ACACB: variants seen among roughly 807,000 people sequenced by gnomAD.
ACACB encodes acetyl-CoA carboxylase 2.
A neutral mutation model predicts 278.8 loss-of-function variants in ACACB; 209 were observed. That is an observed-to-expected ratio of 0.75 (90% CI 0.67 to 0.84). The LOEUF (loss-of-function observed/expected upper bound fraction) is 0.84. Among genes scored for constraint, ACACB ranks in the 40% least tolerant of loss-of-function variants. ACACB has a pLI of 0.00. For missense variants in ACACB, 2,850 were observed against 3,269.0 expected (o/e 0.87, Z 3.13); for synonymous variants, 1,174 against 1,285.6 (o/e 0.91, Z 1.86).
At position 109,241,163 on chromosome 12, in the gene ACACB, A is replaced by G. The variant is rs754114281; in HGVS notation, c.4904A>G (p.Asn1635Ser). 3.1e-6 allele frequency: 5 copies of G among 1,614,170 alleles called. No individual in the cohort carries two copies. The Admixed American group carries it at 5.0e-5, about 16-fold the overall frequency. The change falls in exon 36 of 53, where the codon AAC (asparagine) becomes AGC (serine). Residue 1635 changes from asparagine to serine, a missense_variant. Physicochemically the swap from Asn to Ser is conservative, Grantham distance 46. Coordinates refer to ENST00000338432, the MANE Select transcript of ACACB (RefSeq NM_001093.4). ...LRVLQAEVKINIRQTTTGSAV... is the reference protein window; with the variant it reads ...LRVLQAEVKISIRQTTTGSAV... Reference sequence around the variant, plus strand: ...GTGCTACAGGCTGAGGTCAAGATCAACATCCGCCAGACCACCACCGGCAGT... The same window carrying G: ...GTGCTACAGGCTGAGGTCAAGATCAGCATCCGCCAGACCACCACCGGCAGT...
chr12:109,234,849 A>G (rs889654562), intron 31 of ACACB, among the ~76,000 whole-genome samples: 11 of 151,438 alleles, frequency 7.3e-5, no homozygotes, highest in Middle Eastern at 3.5e-3. Flanking sequence ...CGGTAGGTGC[A>G]GCAAACCACC....
intron 2 of ACACB, among the ~76,000 whole-genome samples, chr12:109,140,278 C>G (rs2043082146): frequency 2.3e-5 from 1 of 44,262 alleles, no homozygotes; most frequent in East Asian, 5.2e-4. Flanking sequence ...TTCTTTCCTT[C>G]CTTCCTTCCT....
At chr12:109,237,084 G>C (rs2046651023) in intron 33 of ACACB, 81 bp from the exon 34 acceptor site, 1 of 1,406,354 alleles carries the variant, frequency 7.1e-7, no homozygotes, top group Middle Eastern at 2.1e-4. Context: ...TGCAGAGTAG[G>C]GTGTGGACCA....
intron 20 of ACACB, among the ~76,000 whole-genome samples, chr12:109,207,592 G>A (rs2045559951): frequency 6.6e-6 from 1 of 152,346 alleles, no homozygotes; most frequent in South Asian, 2.1e-4. Context: ...ATCACACTGT[G>A]TGCTGTACCG....
At position 109,201,481 on chromosome 12, in the gene ACACB, G is replaced by A. The variant is rs754263475; in HGVS notation, c.2779-86G>A. On this transcript the variant is annotated intron_variant, in intron 18 of 52. Transcript: ENST00000338432. ...GCGTCCCTGGGTAGTGTCCCGGCGC[G>A]TCCCTGCTCCGGCATCACTAGTTCT... 3.9e-4 allele frequency: 589 copies of A among 1,528,678 alleles called. 1 individual carries two copies. The highest frequency in any genetic ancestry group is 4.7e-4 in the Non-Finnish European group (526 of 1,115,412). The allele number at this position is 1,528,678 out of a possible 1,614,324, so 94.7% of individuals were successfully genotyped here. A position where few individuals can be genotyped will look rare whatever the true frequency, so the allele number is the denominator to read the frequency against.
chr12:109,128,804 T>A (rs2042748942), intron 1 of ACACB, among the ~76,000 whole-genome samples: 2 of 151,868 alleles, frequency 1.3e-5, no homozygotes, highest in African/African-American at 4.8e-5. Context: ...CCCAATTTAA[T>A]TAATTAATTT....
At chr12:109,160,265 G>T (rs1472100293) in intron 2 of ACACB, among the ~76,000 whole-genome samples, 1 of 152,144 alleles carries the variant, frequency 6.6e-6, no homozygotes, top group Non-Finnish European at 1.5e-5. Flanking sequence ...TAGATTCTGA[G>T]GTCAGCTAGA....
chr12:109,167,055 A>T (rs915205955), intron 3 of ACACB, 62 bp downstream of exon 3: 10 of 1,605,492 alleles, frequency 6.2e-6, no homozygotes, highest in Non-Finnish European at 7.7e-6. Flanking sequence ...CCCTCCTCTC[A>T]GCTGGAGGTG....
chr12:109,199,282 T>C (rs2045248040), intron 17 of ACACB, 120 bp from the exon 18 acceptor site: 1 of 837,312 alleles, frequency 1.2e-6, no homozygotes, highest in Non-Finnish European at 1.7e-6. Flanking sequence ...TGCCACCCTT[T>C]GGGAATGTAG....
At position 109,166,679 on chromosome 12, in the gene ACACB, C is replaced by CAAAAAAAAAAAA. The variant is rs1225818948; in HGVS notation, c.654-182_654-181insAAAAAAAAAAAA. ...AAAAAAAAAAAAAAAAAAAAAAAAC[C>CAAAAAAAAAAAA]GAAGGTGCTTCCTGCCCTTGAGCCT... On this transcript the variant is annotated intron_variant, in intron 2 of 52. Transcript: ENST00000338432. Among the ~76,000 whole-genome samples, 3 of 20,854 alleles carry CAAAAAAAAAAAA rather than the reference C, an allele frequency of 1.4e-4. 1 individual carries two copies. The highest frequency in any genetic ancestry group is 4.6e-4 in the Non-Finnish European group (3 of 6,540). 13.7% of individuals were successfully genotyped at this position (20,854 alleles called of 152,430 possible). A position where few individuals can be genotyped will look rare whatever the true frequency, so the allele number is the denominator to read the frequency against.
chr12:109,202,965 C>G (rs140696142), intron 19 of ACACB, among the ~76,000 whole-genome samples: 52 of 152,280 alleles, frequency 3.4e-4, no homozygotes, highest in African/African-American at 1.0e-3. Context: ...TCATCCATCT[C>G]CAGCACTTGC....
intron 2 of ACACB, among the ~76,000 whole-genome samples, chr12:109,147,316 A>G (rs1194450627): frequency 6.7e-6 from 1 of 150,082 alleles, no homozygotes; most frequent in Non-Finnish European, 1.5e-5. Context: ...CTGCAACCCC[A>G]CAGGCTCAAG....
chr12:109,239,920 G>A lies in ACACB; in HGVS notation c.4753G>A (p.Val1585Met), dbSNP rs767175687. The change falls in exon 35 of 53, where the codon GTG becomes ATG. Residue 1585 changes from valine to methionine, a missense_variant. Physicochemically the swap from Val to Met is conservative, Grantham distance 21. This residue lies in a region of ACACB where 2,265 missense variants were observed against 2,561.3 expected (regional missense o/e 0.88). Coordinates refer to ENST00000338432, the MANE Select transcript of ACACB (RefSeq NM_001093.4). Reference protein sequence around the residue: ...ELEVAFNNTSVRTDCNHIFLN... With the variant: ...ELEVAFNNTSMRTDCNHIFLN... ...GGAGGTGGCGTTCAATAACACCAGC[G>A]TGCGCACCGACTGCAACCACATCTT... 1.5e-5 allele frequency: 25 copies of A among 1,614,066 alleles called. 1 individual carries two copies. Among genetic ancestry groups the A allele is most frequent in the African/African-American group, 5.3e-5 (4 of 74,938 alleles).
At chr12:109,223,269 A>G (rs572740957) in intron 26 of ACACB, among the ~76,000 whole-genome samples, 1 of 152,000 alleles carries the variant, frequency 6.6e-6, no homozygotes, top group East Asian at 1.9e-4. Flanking sequence ...GCTCATTTAC[A>G]TGTTCTCAGG....
chr12:109,185,313 G>A (rs1054325697), intron 11 of ACACB, among the ~76,000 whole-genome samples: 2 of 152,188 alleles, frequency 1.3e-5, no homozygotes, highest in Non-Finnish European at 2.9e-5. Context: ...CTTGATGCAT[G>A]TATTTTCTTG....
At chr12:109,210,775 G>A (rs1481856782) in intron 21 of ACACB, among the ~76,000 whole-genome samples, 12 of 151,368 alleles carry the variant, frequency 7.9e-5, no homozygotes, top group East Asian at 1.9e-4. Context: ...TTAGCTGGGC[G>A]TGGTGTTGCA....
At chr12:109,121,259 A>G (rs181312108) in intron 1 of ACACB, among the ~76,000 whole-genome samples, 126 of 152,202 alleles carry the variant, frequency 8.3e-4, no homozygotes, top group African/African-American at 2.8e-3. Flanking sequence ...CTTATTCAAC[A>G]TGCTTTTATG....
chr12:109,186,267 G>C (rs1369553891), intron 12 of ACACB, among the ~76,000 whole-genome samples: 1 of 152,076 alleles, frequency 6.6e-6, no homozygotes, highest in Non-Finnish European at 1.5e-5. Context: ...CCAGGCTCTG[G>C]GCCGAGCCTT....
Position 109,193,723 on chromosome 12 carries a change from TCTCAAGGTAAATGCC to T in ACACB, c.2477_2481+10del. ...TAATTTACGGAGGTGTTAAGTACAT[TCTCAAGGTAAATGCC>T]CCCGTGCCTCTCCGATGTCTCCAAC... is the stretch of plus-strand genomic sequence containing the variant. On this transcript the variant is annotated splice_donor_variant and splice_donor_5th_base_variant and coding_sequence_variant and intron_variant, in exon 16 of 53. Coordinates refer to ENST00000338432, the MANE Select transcript of ACACB (RefSeq NM_001093.4). LOFTEE classifies it high-confidence loss of function. 6.2e-7 allele frequency: 1 copy of T among 1,612,892 alleles called. No individual in the cohort carries two copies. Among genetic ancestry groups the T allele is most frequent in the Non-Finnish European group, 8.5e-7 (1 of 1,178,916 alleles).
Sources: allele counts gnomAD v4.1 joint callset (sites outside exome capture counted in the v4.1 genomes callset), GRCh38; gene constraint gnomAD v4.1.1; regional missense constraint gnomAD v4.1.1; transcripts MANE v1.5; gene names NCBI Gene and HGNC (gene_info 2026-07-23, HGNC 2026-07-21).